PCDHA11: variants seen among roughly 807,000 people sequenced by gnomAD.
The protein encoded by PCDHA11 is protocadherin alpha-11.
Under a neutral mutation model 70.3 loss-of-function variants are expected in PCDHA11, and 61 were observed. The ratio of observed to expected loss-of-function variants is 0.87; its 90% CI spans 0.71 to 1.07. PCDHA11 has a LOEUF of 1.07. Ranked by LOEUF, PCDHA11 falls within the 50% of genes least tolerant of loss-of-function variation. PCDHA11 has a pLI of 0.00. For synonymous variants in PCDHA11, 633 were observed against 555.1 expected (o/e 1.14, Z -1.97); for missense variants, 1,324 against 1,237.5 (o/e 1.07, Z -1.05).
intron 1 of PCDHA11, 44 bp downstream of exon 1, chr5:140,871,538 ATTATTTAAAATCCAGTTTTTT>A (rs2053161122): frequency 1.3e-5 from 20 of 1,507,314 alleles, no homozygotes; most frequent in Non-Finnish European, 1.8e-5. Context: ...TGTATGTGAA[ATTATTTAAAATCCAGTTTTTT>A]TTCACGGATT....
In PCDHA11 at chr5:140,941,764, A is replaced by G. The variant is rs116374830; in HGVS notation, c.2392-37185A>G. 5.7e-3 allele frequency among the ~76,000 whole-genome samples: 869 copies of G among 152,306 alleles called. 7 individuals are homozygous for G. Among genetic ancestry groups the G allele is most frequent in the African/African-American group, 0.018 (768 of 41,560 alleles). ...TTATCAGATTTTCAGTGCTTTTAAG[A>G]TAATTGTTTTAATGTTTTACCCAAG... On this transcript the variant is annotated intron_variant, in intron 1 of 3. Coordinates refer to ENST00000398640, the MANE Select transcript of PCDHA11 (RefSeq NM_018902.5).
intron 1 of PCDHA11, chr5:140,877,849 TA>T: frequency 6.5e-7 from 1 of 1,545,946 alleles, no homozygotes; most frequent in Non-Finnish European, 8.7e-7. Context: ...AGTAAGTTAT[TA>T]ATATTATTTA....
At chr5:140,997,206 T>A (rs2097763489) in intron 3 of PCDHA11, among the ~76,000 whole-genome samples, 1 of 152,118 alleles carries the variant, frequency 6.6e-6, no homozygotes, top group Non-Finnish European at 1.5e-5. Context: ...ATTGACATCA[T>A]TATTGAAACT....
rs1554239929 is a variant in PCDHA11 at position 140,978,939 on chromosome 5, G to A, written c.2392-10G>A. 1 of 1,613,986 alleles carries A rather than the reference G, an allele frequency of 6.2e-7. No individual in the cohort carries two copies. The highest frequency in any genetic ancestry group is 1.3e-5 in the African/African-American group (1 of 74,908). On this transcript the variant is annotated splice_polypyrimidine_tract_variant and intron_variant, in intron 1 of 3. Transcript: ENST00000398640. ...CATTTTAACAGAAAACTCTCTTTGTGATTTTGCAGCCACGACAGCCCAACC... is the reference window on the plus strand; with the variant it reads ...CATTTTAACAGAAAACTCTCTTTGTAATTTTGCAGCCACGACAGCCCAACC...
intron 1 of PCDHA11, chr5:140,882,094 C>A: frequency 2.6e-6 from 3 of 1,172,678 alleles, no homozygotes; most frequent in Non-Finnish European, 3.5e-6. Flanking sequence ...TCACTGAGAA[C>A]GTTTCCGCGA....
chr5:140,925,203 A>G (rs1201965893), intron 1 of PCDHA11, among the ~76,000 whole-genome samples: 4 of 152,310 alleles, frequency 2.6e-5, no homozygotes, highest in South Asian at 4.1e-4. Flanking sequence ...TTCAATAATT[A>G]TCGATACTTT....
chr5:140,913,558 G>T (rs1042223174), intron 1 of PCDHA11, among the ~76,000 whole-genome samples: 5 of 151,668 alleles, frequency 3.3e-5, no homozygotes, highest in Admixed American at 3.3e-4. Flanking sequence ...TTGATCTCTT[G>T]TATTTTCATC....
Position 140,870,644 on chromosome 5 carries a change from G to A in PCDHA11, c.1541G>A (p.Gly514Asp), listed in dbSNP as rs782672271. ...TACGTGTCGGTGCACGCGGAGAGCG[G>A]CAAGGTGTACGCGCTGCAGCCGTTG... is the stretch of plus-strand genomic sequence containing the variant. ...SSYVSVHAES[G>D]KVYALQPLDH... The change falls in exon 1 of 4, where the codon GGC (glycine) becomes GAC (aspartate). Residue 514 changes from glycine to aspartate, a missense_variant. Transcript: ENST00000398640. 8.7e-6 allele frequency: 14 copies of A among 1,612,768 alleles called. No homozygotes were observed. In the South Asian group the frequency reaches 1.4e-4, roughly 16 times the overall value.
At chr5:140,957,556 A>G (rs1364343526) in intron 1 of PCDHA11, among the ~76,000 whole-genome samples, 1 of 152,150 alleles carries the variant, frequency 6.6e-6, no homozygotes, top group African/African-American at 2.4e-5. Flanking sequence ...TCTCTGTGGA[A>G]AAGGAGGGAC....
At chr5:140,947,854 A>G (rs2094183959) in intron 1 of PCDHA11, among the ~76,000 whole-genome samples, 1 of 151,504 alleles carries the variant, frequency 6.6e-6, no homozygotes, top group Non-Finnish European at 1.5e-5. Context: ...TTATTTTGTC[A>G]TTATAATGGC....
intron 1 of PCDHA11, among the ~76,000 whole-genome samples, chr5:140,977,356 T>C (rs1563455891): frequency 6.6e-6 from 1 of 152,250 alleles, no homozygotes; most frequent in African/African-American, 2.4e-5. Flanking sequence ...GACTGATTGA[T>C]AAAAAGTATT....
Position 140,870,461 on chromosome 5 carries a change from C to A in PCDHA11, c.1358C>A (p.Ala453Glu), listed in dbSNP as rs1554164294. 11 of 1,614,128 alleles carry A rather than the reference C, an allele frequency of 6.8e-6. No individual in the cohort carries two copies. Among genetic ancestry groups the A allele is most frequent in the Non-Finnish European group, 9.3e-6 (11 of 1,180,058 alleles). ...GCCGACGTGAACGACAATGCGCCTG[C>A]GTTCGCACAGCCCGAGTACACCGTG... is the stretch of plus-strand genomic sequence containing the variant. ...EVADVNDNAP[A>E]FAQPEYTVFV... Residue 453 changes from alanine to glutamate, a missense_variant, in exon 1 of 4, where the codon GCG (alanine) becomes GAG (glutamate). By Grantham distance (107) the Ala-to-Glu change is moderately radical (BLOSUM62 -1). Transcript: ENST00000398640.
Position 140,871,023 on chromosome 5 carries a change from C to T in PCDHA11, c.1920C>T (p.Asp640=). ...ISTTRALDEA[D]SPRHRLLVLV... The stretch of plus-strand genomic sequence containing the variant: ...CAACGCGTGCCCTGGACGAGGCAGA[C>T]TCGCCGCGCCACCGACTTCTAGTAC... Residue 640 remains aspartate, a synonymous_variant, in exon 1 of 4, where the codon GAC becomes GAT. Coordinates refer to ENST00000398640, the MANE Select transcript of PCDHA11 (RefSeq NM_018902.5). 1 of 1,613,268 alleles carries T rather than the reference C, an allele frequency of 6.2e-7. No homozygotes were observed. Among genetic ancestry groups the T allele is most frequent in the Non-Finnish European group, 8.5e-7 (1 of 1,179,836 alleles).
At chr5:140,873,085 C>G (rs1554166557) in intron 1 of PCDHA11, among the ~76,000 whole-genome samples, 2 of 152,098 alleles carry the variant, frequency 1.3e-5, no homozygotes, top group Non-Finnish European at 2.9e-5. Flanking sequence ...TATTTCCCCC[C>G]CGTATAGAGG....
intron 1 of PCDHA11, among the ~76,000 whole-genome samples, chr5:140,934,327 T>C (rs1379362644): frequency 1.3e-5 from 2 of 152,152 alleles, no homozygotes; most frequent in African/African-American, 4.8e-5. Flanking sequence ...CAATCATGAA[T>C]GTAATAACCA....
intron 1 of PCDHA11, among the ~76,000 whole-genome samples, chr5:140,931,201 A>G (rs1444701917): frequency 2.6e-5 from 4 of 152,176 alleles, no homozygotes; most frequent in Admixed American, 2.6e-4. Context: ...CTACAATGCT[A>G]GTATTTCAGG....
intron 1 of PCDHA11, chr5:140,883,536 T>C (rs1178559999): frequency 8.7e-6 from 14 of 1,614,202 alleles, no homozygotes; most frequent in Non-Finnish European, 1.2e-5. Flanking sequence ...GCCTATGAAC[T>C]GGTGGTGACC....
At chr5:140,961,743 A>G (rs1585893660) in intron 1 of PCDHA11, among the ~76,000 whole-genome samples, 1 of 152,170 alleles carries the variant, frequency 6.6e-6, no homozygotes, top group East Asian at 1.9e-4. Flanking sequence ...CTTTAGTAAT[A>G]TTACAGTTTT....
At chr5:140,950,452 C>A (rs1030639288) in intron 1 of PCDHA11, among the ~76,000 whole-genome samples, 12 of 151,888 alleles carry the variant, frequency 7.9e-5, no homozygotes, top group African/African-American at 2.7e-4. Context: ...ATTCTACTGT[C>A]TTCTAATGCT....
Sources: gnomAD v4.1 joint callset for allele counts (sites outside exome capture counted in the v4.1 genomes callset) on GRCh38, gnomAD v4.1.1 for gene constraint, MANE v1.5 for transcripts, NCBI Gene and HGNC (gene_info 2026-07-23, HGNC 2026-07-21) for gene names.